VPS13B: variants seen among roughly 807,000 people sequenced by gnomAD.
VPS13B encodes the protein vacuolar protein sorting 13 homolog B.
VPS13B carries 285 observed loss-of-function variants against 426.4 expected under a neutral mutation model. That is an observed-to-expected ratio of 0.67 (90% CI 0.61 to 0.74). The LOEUF is 0.74. VPS13B is among the 30% of genes least tolerant of loss of function. VPS13B has a pLI of 0.00. For missense variants in VPS13B, 4,537 were observed against 4,782.6 expected (o/e 0.95, Z 1.51); for synonymous variants, 1,676 against 1,676.4 (o/e 1.00, Z 0.01).
intron 3 of VPS13B, among the ~76,000 whole-genome samples, chr8:99,087,619 T>G (rs551110887): frequency 8.6e-5 from 13 of 151,400 alleles, no homozygotes; most frequent in South Asian, 2.1e-4. Context: ...TTTTTTGTTT[T>G]TTTTTTTTTT....
At chr8:99,170,958 T>A (rs1180332288) in intron 16 of VPS13B, among the ~76,000 whole-genome samples, 1 of 151,730 alleles carries the variant, frequency 6.6e-6, no homozygotes, top group Admixed American at 6.6e-5. Context: ...TTTAGAAAAT[T>A]AGCATTAATT....
intron 33 of VPS13B, among the ~76,000 whole-genome samples, chr8:99,623,994 C>T (rs12679584): frequency 1.9e-5 from 1 of 53,934 alleles, no homozygotes; most frequent in Non-Finnish European, 3.2e-5. Context: ...ATGAAACATA[C>T]ATATATATAT....
chr8:99,136,324 G>C (rs753968500), intron 11 of VPS13B, among the ~76,000 whole-genome samples: 13 of 151,982 alleles, frequency 8.6e-5, no homozygotes, highest in Non-Finnish European at 1.8e-4. Context: ...AAGTATTTAA[G>C]GATTAATTCT....
At chr8:99,805,106 T>C (rs1813323081) in intron 43 of VPS13B, among the ~76,000 whole-genome samples, 1 of 150,974 alleles carries the variant, frequency 6.6e-6, no homozygotes, top group African/African-American at 2.4e-5. Flanking sequence ...TTCACTTGGA[T>C]TGCATGTTAA....
At chr8:99,374,764 A>C (rs1813392519) in intron 19 of VPS13B, among the ~76,000 whole-genome samples, 2 of 152,132 alleles carry the variant, frequency 1.3e-5, no homozygotes, top group African/African-American at 4.8e-5. Context: ...ATTTATATTA[A>C]GTTCACTACA....
intron 37 of VPS13B, among the ~76,000 whole-genome samples, chr8:99,719,327 G>A (rs1235956017): frequency 6.6e-6 from 1 of 152,158 alleles, no homozygotes; most frequent in Admixed American, 6.5e-5. Flanking sequence ...TTAAAGGCTA[G>A]AGCACAACAT....
At chr8:99,806,544 T>C (rs1813412419) in intron 43 of VPS13B, among the ~76,000 whole-genome samples, 1 of 152,204 alleles carries the variant, frequency 6.6e-6, no homozygotes, top group Non-Finnish European at 1.5e-5. Flanking sequence ...AAGCTCCTTG[T>C]GGGGCAAAGA....
intron 55 of VPS13B, among the ~76,000 whole-genome samples, chr8:99,849,803 G>T (rs1459698972): frequency 3.9e-5 from 6 of 152,094 alleles, no homozygotes; most frequent in Admixed American, 1.3e-4. Flanking sequence ...ACTGCAAAAA[G>T]TAGATCTCAA....
chr8:99,866,401 G>GGT (rs1817101900), intron 58 of VPS13B, among the ~76,000 whole-genome samples: 1 of 152,190 alleles, frequency 6.6e-6, no homozygotes, highest in Admixed American at 6.5e-5. Flanking sequence ...GTGAGGTGTT[G>GGT]GTGTGTGTGA....
At chr8:99,065,447 C>T (rs541493392) in intron 3 of VPS13B, among the ~76,000 whole-genome samples, 12 of 152,198 alleles carry the variant, frequency 7.9e-5, no homozygotes, top group African/African-American at 1.4e-4. Flanking sequence ...AAAAGGCCTT[C>T]GACAAAATTT....
At position 99,571,801 on chromosome 8, in the gene VPS13B, T is replaced by G. The variant is rs1825491511; in HGVS notation, c.4950-3857T>G. Among the ~76,000 whole-genome samples, 3 of 152,208 alleles carry G rather than the reference T, an allele frequency of 2.0e-5. No individual in the cohort carries two copies. The South Asian group carries it at 6.2e-4, about 31-fold the overall frequency. On this transcript the variant is annotated intron_variant, in intron 31 of 61. Coordinates refer to ENST00000357162, the MANE Select transcript of VPS13B (RefSeq NM_152564.5). Reference sequence around the variant, plus strand: ...CAACCCTTCCTCTGTAGTCACAGATTTTAATACTTCTTCCGGTTACTCTCT... The same window carrying G: ...CAACCCTTCCTCTGTAGTCACAGATGTTAATACTTCTTCCGGTTACTCTCT...
Position 99,848,869 on chromosome 8 carries a change from G to A in VPS13B, c.10036G>A (p.Gly3346Arg). ...CACTGTGGCCCCAGAAGGAAAAGCAGGACCTATTTTAACCAATACCAACAG... is the reference window on the plus strand; with the variant it reads ...CACTGTGGCCCCAGAAGGAAAAGCAAGACCTATTTTAACCAATACCAACAG... ...FITVAPEGKAGPILTNTNRAP... is the reference protein window; with the variant it reads ...FITVAPEGKARPILTNTNRAP... Residue 3346 changes from glycine (G) to arginine (R), a missense_variant, in exon 55 of 62, where the codon GGA becomes AGA. Coordinates refer to ENST00000357162, the MANE Select transcript of VPS13B (RefSeq NM_152564.5). 1 of 1,614,142 alleles carries A rather than the reference G, an allele frequency of 6.2e-7. No individual in the cohort carries two copies. The highest frequency in any genetic ancestry group is 8.5e-7 in the Non-Finnish European group (1 of 1,180,004).
Position 99,096,511 on chromosome 8 carries a change from T to C in VPS13B, c.412+79T>C, listed in dbSNP as rs1846428646. 2.5e-6 allele frequency: 4 copies of C among 1,587,454 alleles called. No homozygotes were observed. The African/African-American group carries it at 5.4e-5, about 21-fold the overall frequency. ...TGGCTCATGCCTGTAATCCCAGTGC[T>C]TTGGGGGGCTGAGGCGGGTGGATTA... On this transcript the variant is annotated intron_variant, in intron 4 of 61. Coordinates refer to ENST00000357162, the MANE Select transcript of VPS13B (RefSeq NM_152564.5).
In VPS13B at chr8:99,854,040, G is replaced by A. The variant is rs528991858; in HGVS notation, c.10651G>A (p.Ala3551Thr). The change falls in exon 56 of 62, where the codon GCC becomes ACC. Residue 3551 changes from alanine to threonine, a missense_variant. By Grantham distance (58) the Ala-to-Thr change is moderately conservative. Around this residue, in one of 2 missense-constraint regions of VPS13B, gnomAD observed 4,311 missense variants for 4,474.3 expected, o/e 0.96. Coordinates refer to ENST00000357162, the MANE Select transcript of VPS13B (RefSeq NM_152564.5). ...QVLPMQVTQH[A>T]RALVNPVKLR... is the part of the protein sequence containing the mutation. ...GTTGCCCATGCAGGTCACACAGCACGCCAGGGCCTTGGTGAATCCTGTGAA... is the reference window on the plus strand; with the variant it reads ...GTTGCCCATGCAGGTCACACAGCACACCAGGGCCTTGGTGAATCCTGTGAA... The A allele has an allele frequency of 7.0e-5, 113 of 1,614,142 alleles. No individual in the cohort carries two copies. Among genetic ancestry groups the A allele is most frequent in the South Asian group, 6.3e-4 (57 of 91,074 alleles).
intron 19 of VPS13B, among the ~76,000 whole-genome samples, chr8:99,359,476 A>G (rs78428901): frequency 0.016 from 2,511 of 152,298 alleles, 55 homozygotes; most frequent in Non-Finnish European, 0.021. Context: ...AAGAATCGTA[A>G]GTAATGCAGA....
At position 99,309,305 on chromosome 8, in the gene VPS13B, A is replaced by G. The variant is rs532890607; in HGVS notation, c.2824+34051A>G. Reference sequence around the variant, plus strand: ...GCTTAGGTTTTCTTCTAGGGTTTTTATGGTTTTAGGTCTAACATGTAAGTC... The same window carrying G: ...GCTTAGGTTTTCTTCTAGGGTTTTTGTGGTTTTAGGTCTAACATGTAAGTC... On this transcript the variant is annotated intron_variant, in intron 19 of 61. Coordinates refer to ENST00000357162, the MANE Select transcript of VPS13B (RefSeq NM_152564.5). Among the ~76,000 whole-genome samples, 4 of 152,248 alleles carry G rather than the reference A, an allele frequency of 2.6e-5. No individual in the cohort carries two copies. In the East Asian group the frequency reaches 7.7e-4, roughly 29 times the overall value.
intron 17 of VPS13B, among the ~76,000 whole-genome samples, chr8:99,272,690 C>T (rs994460564): frequency 1.3e-5 from 2 of 152,064 alleles, no homozygotes; most frequent in African/African-American, 4.8e-5. Context: ...GAATTATTAC[C>T]TTCTGTGCTT....
intron 33 of VPS13B, among the ~76,000 whole-genome samples, chr8:99,617,915 A>G (rs965916286): frequency 5.9e-5 from 9 of 151,956 alleles, no homozygotes; most frequent in Admixed American, 2.6e-4. Context: ...TTGGTTATCA[A>G]CCTCATACCC....
intron 51 of VPS13B, among the ~76,000 whole-genome samples, chr8:99,828,394 G>GTTTTTTTTTTTTTT (rs555108452): frequency 0.017 from 292 of 17,434 alleles, 96 homozygotes; most frequent in Middle Eastern, 0.056. Flanking sequence ...TACAACCACC[G>GTTTTTTTTTTTTTT]TTTTTTTTTT....
Sources: allele counts gnomAD v4.1 joint callset (sites outside exome capture counted in the v4.1 genomes callset), GRCh38; gene constraint gnomAD v4.1.1; regional missense constraint gnomAD v4.1.1; transcripts MANE v1.5; gene names NCBI Gene and HGNC (gene_info 2026-07-23, HGNC 2026-07-21).